MDFIC2: variants seen among roughly 807,000 people sequenced by gnomAD.
MDFIC2 encodes the protein myoD family inhibitor domain-containing protein 2.
At chr3:70,242,442 G>C (rs1701673218) in intron 2 of MDFIC2, among the ~76,000 whole-genome samples, 1 of 152,100 alleles carries the variant, frequency 6.6e-6, no homozygotes, top group Non-Finnish European at 1.5e-5. Flanking sequence ...AATCTCAGTG[G>C]CCCATAGGTC....
chr3:70,215,997 G>T (rs529435766), intron 2 of MDFIC2, among the ~76,000 whole-genome samples: 2 of 151,966 alleles, frequency 1.3e-5, no homozygotes, highest in South Asian at 4.2e-4. Flanking sequence ...TGCAACATTT[G>T]CATTGATATC....
rs1701523907 is a variant in MDFIC2 at position 70,227,923 on chromosome 3, G to A, written c.89-21133C>T. The stretch of plus-strand genomic sequence containing the variant: ...GAGCTTTTAACTACCATGGTGCACT[G>A]CTTCTGCTAAAGCAAACTTAATAGG... On this transcript the variant is annotated intron_variant, in intron 2 of 3. Coordinates refer to ENST00000567252, the MANE Select transcript of MDFIC2 (RefSeq NM_001364677.1). Among the ~76,000 whole-genome samples the A allele has an allele frequency of 2.0e-5, 3 of 151,988 alleles. No homozygotes were observed. The South Asian group carries it at 6.2e-4, about 32-fold the overall frequency.
intron 2 of MDFIC2, among the ~76,000 whole-genome samples, chr3:70,283,014 A>C (rs895686625): frequency 2.0e-5 from 3 of 152,210 alleles, no homozygotes; most frequent in African/African-American, 7.2e-5. Flanking sequence ...CTGAAAAAAC[A>C]GTTGATTACA....
intron 2 of MDFIC2, among the ~76,000 whole-genome samples, chr3:70,227,578 G>A (rs896396129): frequency 4.6e-5 from 7 of 152,214 alleles, no homozygotes; most frequent in African/African-American, 1.7e-4. Flanking sequence ...AAAGTGAAAA[G>A]TTGAACATAG....
intron 2 of MDFIC2, among the ~76,000 whole-genome samples, chr3:70,243,278 G>C (rs1701678251): frequency 1.3e-5 from 2 of 152,068 alleles, no homozygotes; most frequent in Admixed American, 1.3e-4. Context: ...TGTCTTGGAG[G>C]CCTTTGAAAT....
Position 70,303,829 on chromosome 3 carries a change from G to A in MDFIC2, c.88+8057C>T, listed in dbSNP as rs182900487. ...CCTGAGTAGCTGGAATTACAGGCAT[G>A]TGCCACCATGCCTGTGTAATTTTTT... On this transcript the variant is annotated intron_variant, in intron 2 of 3. Transcript: ENST00000567252. Among the ~76,000 whole-genome samples the A allele has an allele frequency of 3.2e-4, 48 of 152,152 alleles. No homozygotes were observed. The East Asian group carries it at 8.3e-3, about 26-fold the overall frequency.
intron 2 of MDFIC2, among the ~76,000 whole-genome samples, chr3:70,264,810 T>C (rs1476406385): frequency 6.6e-6 from 1 of 152,146 alleles, no homozygotes; most frequent in African/African-American, 2.4e-5. Context: ...CTTGGGTGTG[T>C]GTGTAGGGAC....
intron 2 of MDFIC2, among the ~76,000 whole-genome samples, chr3:70,273,148 A>G (rs1407691185): frequency 1.3e-5 from 2 of 152,188 alleles, no homozygotes; most frequent in Non-Finnish European, 2.9e-5. Context: ...GGACTGACAA[A>G]TCTAAGATTC....
chr3:70,285,846 T>C (rs1049198403), intron 2 of MDFIC2, among the ~76,000 whole-genome samples: 3 of 152,166 alleles, frequency 2.0e-5, no homozygotes, highest in African/African-American at 7.2e-5. Flanking sequence ...TTTGGCTGCA[T>C]AAATGTCTTC....
At position 70,196,996 on chromosome 3, in the gene MDFIC2, A is replaced by G. The variant is rs1017216693; in HGVS notation, c.500T>C (p.Phe167Ser). ...CTCGCTGGTCTCATGGCAAGATTCA[A>G]AAAGGCTGCAGTCCATGTCACAATT... is the stretch of plus-strand genomic sequence containing the variant. ...SCNCDMDCSL[F>S]ESCHETSECL... The change falls in exon 4 of 4, where the codon TTT becomes TCT. Residue 167 changes from phenylalanine to serine, a missense_variant. Phe to Ser is a radical substitution (Grantham distance 155). Coordinates refer to ENST00000567252, the MANE Select transcript of MDFIC2 (RefSeq NM_001364677.1). 7.5e-6 allele frequency: 3 copies of G among 398,586 alleles called. No individual in the cohort carries two copies. Among genetic ancestry groups the G allele is most frequent in the Non-Finnish European group, 8.8e-6 (2 of 226,042 alleles). The allele number at this position is 398,586 out of a possible 1,614,324, so 24.7% of individuals were successfully genotyped here.
intron 2 of MDFIC2, among the ~76,000 whole-genome samples, chr3:70,281,004 T>TA (rs35649680): frequency 2.6e-5 from 4 of 152,284 alleles, no homozygotes; most frequent in Middle Eastern, 3.4e-3. Context: ...AACTTACGTA[T>TA]AAAAAAATGA....
At chr3:70,274,859 A>G (rs147576836) in intron 2 of MDFIC2, among the ~76,000 whole-genome samples, 1 of 152,354 alleles carries the variant, frequency 6.6e-6, no homozygotes, top group East Asian at 1.9e-4. Flanking sequence ...ACTAAAACCC[A>G]AATGTCCTAC....
chr3:70,213,778 A>G (rs1701373560), intron 2 of MDFIC2, among the ~76,000 whole-genome samples: 1 of 152,166 alleles, frequency 6.6e-6, no homozygotes, highest in Non-Finnish European at 1.5e-5. Context: ...ACAGGAAATC[A>G]TTCAACATGA....
chr3:70,228,508 T>A (rs1370027011), intron 2 of MDFIC2, among the ~76,000 whole-genome samples: 5 of 152,068 alleles, frequency 3.3e-5, no homozygotes, highest in African/African-American at 1.2e-4. Context: ...GAAGGACCCC[T>A]GTTATAGTTT....
Position 70,276,005 on chromosome 3 carries a change from T to C in MDFIC2, c.88+35881A>G, listed in dbSNP as rs796182006. Among the ~76,000 whole-genome samples, 4 of 152,198 alleles carry C rather than the reference T, an allele frequency of 2.6e-5. 1 individual carries two copies. In the South Asian group the frequency reaches 6.2e-4, roughly 24 times the overall value. On this transcript the variant is annotated intron_variant, in intron 2 of 3. Transcript: ENST00000567252. ...ATGATTTTATTCCCCCACAATAAACTTTTAAAAATATTTTGATGAAGAGCA... is the reference window on the plus strand; with the variant it reads ...ATGATTTTATTCCCCCACAATAAACCTTTAAAAATATTTTGATGAAGAGCA...
chr3:70,202,454 C>T (rs901765353), intron 3 of MDFIC2, among the ~76,000 whole-genome samples: 2 of 152,114 alleles, frequency 1.3e-5, no homozygotes, highest in Non-Finnish European at 2.9e-5. Context: ...GAGTAGCTTA[C>T]TGTTCACTGT....
intron 2 of MDFIC2, among the ~76,000 whole-genome samples, chr3:70,276,350 C>T (rs1381846446): frequency 6.6e-6 from 1 of 152,138 alleles, no homozygotes; most frequent in Non-Finnish European, 1.5e-5. Context: ...TTTCTTCACC[C>T]ACTTTCTTAC....
intron 2 of MDFIC2, among the ~76,000 whole-genome samples, chr3:70,262,208 T>C (rs1258994959): frequency 1.3e-5 from 2 of 152,112 alleles, no homozygotes; most frequent in Non-Finnish European, 2.9e-5. Context: ...AATCATATGA[T>C]GAAAGGATGA....
rs1253110656 is a variant in MDFIC2, at chr3:70,301,410, T to C, written c.88+10476A>G. Among the ~76,000 whole-genome samples, 3 of 152,104 alleles carry C rather than the reference T, an allele frequency of 2.0e-5. No homozygotes were observed. In the South Asian group the frequency reaches 6.2e-4, roughly 31 times the overall value. On this transcript the variant is annotated intron_variant, in intron 2 of 3. Coordinates refer to ENST00000567252, the MANE Select transcript of MDFIC2 (RefSeq NM_001364677.1). ...TCAAATACAGCTAAAGAGCTTGTGC[T>C]TATCTGAATCCTATGGTAAACAGGA... is the stretch of plus-strand genomic sequence containing the variant.
Sources: allele counts gnomAD v4.1 joint callset (sites outside exome capture counted in the v4.1 genomes callset), GRCh38; gene constraint gnomAD v4.1.1; transcripts MANE v1.5; gene names NCBI Gene and HGNC (gene_info 2026-07-23, HGNC 2026-07-21).